ATG5: variants seen among roughly 807,000 people sequenced by gnomAD.
ATG5 encodes the protein autophagy related 5.
Under a neutral mutation model 36.5 loss-of-function variants are expected in ATG5, and 14 were observed. The observed-to-expected ratio is 0.38, with a 90% CI of 0.25 to 0.60. The LOEUF (loss-of-function observed/expected upper bound fraction) is 0.60, where lower values mean the gene tolerates loss of function less well. Ranked by LOEUF, ATG5 falls within the 20% of genes least tolerant of loss-of-function variation. The pLI, the probability that ATG5 is intolerant of heterozygous loss-of-function variation, is 0.60. For synonymous variants in ATG5, 95 were observed against 101.5 expected, an observed-to-expected ratio of 0.94 and a Z score of 0.38; for missense variants, 195 against 326.7, an observed-to-expected ratio of 0.60 and a Z score of 3.11.
chr6:106,203,368 C>T (rs2114362515), intron 6 of ATG5, among the ~76,000 whole-genome samples: 1 of 152,218 alleles, frequency 6.6e-6, no homozygotes, highest in South Asian at 2.1e-4. Context: ...GATCTTGTAC[C>T]CAGTTTCCTT....
intron 7 of ATG5, among the ~76,000 whole-genome samples, chr6:106,197,853 A>G (rs1215971469): frequency 6.6e-6 from 1 of 152,220 alleles, no homozygotes; most frequent in African/African-American, 2.4e-5. Context: ...AGACTAACAC[A>G]GCATCTAGTT....
intron 5 of ATG5, among the ~76,000 whole-genome samples, chr6:106,262,142 G>C (rs896801998): frequency 6.6e-6 from 1 of 152,158 alleles, no homozygotes; most frequent in African/African-American, 2.4e-5. Context: ...GCACCATCTC[G>C]ACTCACTTCA....
chr6:106,309,917 G>A (rs1770588179), intron 2 of ATG5, among the ~76,000 whole-genome samples: 1 of 152,108 alleles, frequency 6.6e-6, no homozygotes, highest in Non-Finnish European at 1.5e-5. Flanking sequence ...ATTAACTTAT[G>A]GAGACAGTAG....
At chr6:106,297,721 C>CAT (rs1400282350) in intron 3 of ATG5, among the ~76,000 whole-genome samples, 2 of 83,152 alleles carry the variant, frequency 2.4e-5, no homozygotes, top group Non-Finnish European at 4.2e-5. Flanking sequence ...GACTTAAACA[C>CAT]ACACACACAC....
At chr6:106,276,235 C>A (rs575010529) in intron 5 of ATG5, among the ~76,000 whole-genome samples, 1 of 152,014 alleles carries the variant, frequency 6.6e-6, no homozygotes, top group African/African-American at 2.4e-5. Context: ...GAGGCCGAGG[C>A]GGGTGGATCA....
chr6:106,196,715 T>C (rs1055055565), intron 7 of ATG5, among the ~76,000 whole-genome samples: 1 of 128,496 alleles, frequency 7.8e-6, no homozygotes, highest in Non-Finnish European at 1.6e-5. Flanking sequence ...AGAGTGAGAA[T>C]CAGTCTCAAA....
At chr6:106,197,328 C>T (rs867093026) in intron 7 of ATG5, among the ~76,000 whole-genome samples, 5 of 152,240 alleles carry the variant, frequency 3.3e-5, no homozygotes, top group South Asian at 4.2e-4. Flanking sequence ...TAAGACCAGC[C>T]TGGGCAACAC....
rs76923020 is a variant in ATG5 at position 106,275,003 on chromosome 6, G to A, written c.478+4658C>T. Reference sequence around the variant, plus strand: ...TTTCTATAAAGCTCTGTGAAGACAGGAGCCATGTTTGTCCCATCAGTGCTG... The same window carrying A: ...TTTCTATAAAGCTCTGTGAAGACAGAAGCCATGTTTGTCCCATCAGTGCTG... On this transcript the variant is annotated intron_variant, in intron 5 of 7. Transcript: ENST00000369076. Among the ~76,000 whole-genome samples, 1,135 of 152,276 alleles carry A rather than the reference G, an allele frequency of 7.5e-3. 16 individuals carry two copies. Among genetic ancestry groups the A allele is most frequent in the African/African-American group, 0.026 (1,074 of 41,558 alleles).
intron 1 of ATG5, among the ~76,000 whole-genome samples, chr6:106,317,708 G>A (rs1173184242): frequency 6.6e-6 from 1 of 152,074 alleles, no homozygotes; most frequent in Admixed American, 6.5e-5. Flanking sequence ...ACACTGATAG[G>A]CTACAAATTC....
intron 3 of ATG5, among the ~76,000 whole-genome samples, chr6:106,305,303 C>T (rs1270143322): frequency 6.6e-6 from 1 of 152,138 alleles, no homozygotes; most frequent in Non-Finnish European, 1.5e-5. Flanking sequence ...TTTAAAAAAT[C>T]TTTAAAACCA....
intron 3 of ATG5, among the ~76,000 whole-genome samples, 185 bp from the exon 4 acceptor site, chr6:106,293,291 T>C (rs1405540688): frequency 2.6e-5 from 4 of 152,182 alleles, no homozygotes; most frequent in Admixed American, 6.6e-5. Flanking sequence ...CATCAGGTGG[T>C]TTCCTTCTAA....
At chr6:106,312,175 G>A (rs1030857789) in intron 2 of ATG5, among the ~76,000 whole-genome samples, 1 of 152,120 alleles carries the variant, frequency 6.6e-6, no homozygotes, top group African/African-American at 2.4e-5. Flanking sequence ...GTAGCAGTGG[G>A]GGATGAAAGG....
At chr6:106,218,343 CA>C (rs1432030562) in intron 6 of ATG5, among the ~76,000 whole-genome samples, 3 of 152,170 alleles carry the variant, frequency 2.0e-5, no homozygotes, top group African/African-American at 7.2e-5. Flanking sequence ...GCTCCAAAAG[CA>C]GCAGCCTCAT....
At chr6:106,210,859 C>T (rs1776825141) in intron 6 of ATG5, among the ~76,000 whole-genome samples, 1 of 152,106 alleles carries the variant, frequency 6.6e-6, no homozygotes, top group Non-Finnish European at 1.5e-5. Context: ...ACAGTGAATT[C>T]TCAATGAGTG....
At chr6:106,298,799 C>T (rs1402485490) in intron 3 of ATG5, among the ~76,000 whole-genome samples, 2 of 152,010 alleles carry the variant, frequency 1.3e-5, no homozygotes, top group Non-Finnish European at 2.9e-5. Flanking sequence ...TCACTGGTTC[C>T]CAGATTGCTT....
chr6:106,241,955 TTC>T (rs1778142766), intron 6 of ATG5, among the ~76,000 whole-genome samples: 1 of 151,978 alleles, frequency 6.6e-6, no homozygotes, highest in Non-Finnish European at 1.5e-5. Flanking sequence ...ACCATGATGG[TTC>T]TGTTTCTCTG....
At chr6:106,260,016 C>G (rs1205789171) in intron 5 of ATG5, among the ~76,000 whole-genome samples, 2 of 152,112 alleles carry the variant, frequency 1.3e-5, no homozygotes, top group Non-Finnish European at 2.9e-5. Flanking sequence ...GCACAGAAAA[C>G]CAGACACTGC....
At chr6:106,297,486 G>A (rs1277286202) in intron 3 of ATG5, among the ~76,000 whole-genome samples, 8 of 151,978 alleles carry the variant, frequency 5.3e-5, no homozygotes, top group Non-Finnish European at 5.9e-5. Flanking sequence ...TGCAAGAAGG[G>A]CCAGAAGTAA....
intron 5 of ATG5, among the ~76,000 whole-genome samples, chr6:106,267,980 A>C (rs1779291068): frequency 6.6e-6 from 1 of 152,242 alleles, no homozygotes. Context: ...AAAAACCAAA[A>C]TTGACAAATG....
Sources: allele counts gnomAD v4.1 joint callset (sites outside exome capture counted in the v4.1 genomes callset), GRCh38; gene constraint gnomAD v4.1.1; transcripts MANE v1.5; gene names NCBI Gene and HGNC (gene_info 2026-07-23, HGNC 2026-07-21).